The following PTPRK variants were observed in gnomAD, a reference collection of about 807,000 sequenced individuals.
PTPRK encodes the protein receptor-type tyrosine-protein phosphatase kappa.
A neutral mutation model predicts 178.0 loss-of-function variants in PTPRK; 75 were observed. The ratio of observed to expected loss-of-function variants is 0.42; its 90% confidence interval spans 0.35 to 0.51. PTPRK has a LOEUF of 0.51. Among genes scored for constraint, PTPRK ranks in the 20% least tolerant of loss-of-function variants. The pLI, the probability that PTPRK is intolerant of heterozygous loss-of-function variation, is 0.02. For synonymous variants in PTPRK, 637 were observed against 620.6 expected (o/e 1.03, Z -0.39); for missense variants, 1,441 against 1,797.8 (o/e 0.80, Z 3.59).
At chr6:128,353,512 T>A (rs1833478780) in intron 2 of PTPRK, among the ~76,000 whole-genome samples, 1 of 152,210 alleles carries the variant, frequency 6.6e-6, no homozygotes, top group South Asian at 2.1e-4. Flanking sequence ...AGTGGAATAC[T>A]ATTCAGCAGA....
intron 1 of PTPRK, among the ~76,000 whole-genome samples, chr6:128,487,313 AG>A (rs1411712157): frequency 6.6e-6 from 1 of 151,190 alleles, no homozygotes; most frequent in Admixed American, 6.6e-5. Flanking sequence ...GTTGGGCTTC[AG>A]AAAATGACAC....
chr6:128,043,320 T>C (rs1777500319), intron 13 of PTPRK, among the ~76,000 whole-genome samples: 1 of 152,028 alleles, frequency 6.6e-6, no homozygotes, highest in African/African-American at 2.4e-5. Flanking sequence ...GTAGAGGGAA[T>C]TGATTTCTGT....
chr6:128,477,533 G>C (rs1307517948), intron 1 of PTPRK, among the ~76,000 whole-genome samples: 1 of 152,084 alleles, frequency 6.6e-6, no homozygotes, highest in Non-Finnish European at 1.5e-5. Context: ...TGTTTTCATA[G>C]CTGCATTCAA....
intron 10 of PTPRK, among the ~76,000 whole-genome samples, chr6:128,081,142 C>T (rs145509707): frequency 5.1e-4 from 78 of 152,094 alleles, no homozygotes; most frequent in African/African-American, 1.8e-3. Context: ...TATAGCACTG[C>T]TGCTAATTCC....
At chr6:128,348,157 G>T (rs1331769745) in intron 2 of PTPRK, among the ~76,000 whole-genome samples, 4 of 151,858 alleles carry the variant, frequency 2.6e-5, no homozygotes, top group African/African-American at 7.2e-5. Flanking sequence ...ATGAAATGAG[G>T]CTACATTATT....
At chr6:128,101,458 C>T (rs1788763059) in intron 7 of PTPRK, among the ~76,000 whole-genome samples, 1 of 152,104 alleles carries the variant, frequency 6.6e-6, no homozygotes, top group South Asian at 2.1e-4. Flanking sequence ...TCTGTTACCA[C>T]ATCTACTTAA....
chr6:128,336,820 G>C (rs1253740435), intron 2 of PTPRK, among the ~76,000 whole-genome samples: 1 of 152,154 alleles, frequency 6.6e-6, no homozygotes, highest in Non-Finnish European at 1.5e-5. Context: ...TGAACTAGTA[G>C]TGATTGCTTC....
At chr6:128,492,810 C>G (rs1854021031) in intron 1 of PTPRK, among the ~76,000 whole-genome samples, 1 of 152,100 alleles carries the variant, frequency 6.6e-6, no homozygotes, top group African/African-American at 2.4e-5. Context: ...ATATGGAAAC[C>G]CTTGCCTTCC....
intron 1 of PTPRK, among the ~76,000 whole-genome samples, chr6:128,513,706 A>G (rs1316122949): frequency 1.3e-5 from 2 of 152,112 alleles, no homozygotes; most frequent in African/African-American, 4.8e-5. Flanking sequence ...TCACCTGGGG[A>G]TTTCATCAAA....
chr6:128,085,418 T>C (rs1030322188), intron 8 of PTPRK, among the ~76,000 whole-genome samples: 2 of 152,204 alleles, frequency 1.3e-5, no homozygotes, highest in African/African-American at 4.8e-5. Context: ...TATGATTATA[T>C]TGAAGGAAAA....
chr6:128,083,597 G>T, intron 9 of PTPRK, 118 bp downstream of exon 9: 1 of 458,566 alleles, frequency 2.2e-6, no homozygotes, highest in Non-Finnish European at 3.8e-6. Flanking sequence ...AAAGGAGAAT[G>T]ATTTTAATCC....
chr6:128,514,410 AGAG>A lies in PTPRK; in HGVS notation c.100+5846_100+5848del, dbSNP rs1486100585. Among the ~76,000 whole-genome samples the A allele has an allele frequency of 5.4e-5, 8 of 147,748 alleles. No homozygotes were observed. The South Asian group carries it at 1.3e-3, about 24-fold the overall frequency. ...TGTGTGTGTGTGTGTGTATTCACAC[AGAG>A]GACTACATACTTACATCTTTCACAT... On this transcript the variant is annotated intron_variant, in intron 1 of 29. Coordinates refer to ENST00000368226, the MANE Select transcript of PTPRK (RefSeq NM_002844.4).
Position 128,242,573 on chromosome 6 carries a change from C to T in PTPRK, c.525G>A (p.Gly175=). ...CATCAATGGCAATATAACCACTTCT[C>T]CCTCCTGAGACTTCAGCTTCAAATA... The part of the protein sequence containing the change: ...QVIFEAEVSG[G]RSGYIAIDDI... The change falls in exon 4 of 30, where the codon GGG becomes GGA. Residue 175 remains glycine (G), a synonymous_variant. Transcript: ENST00000368226. 6.2e-7 allele frequency: 1 copy of T among 1,612,928 alleles called. No homozygotes were observed. The highest frequency in any genetic ancestry group is 1.7e-5 in the Admixed American group (1 of 59,936).
intron 7 of PTPRK, among the ~76,000 whole-genome samples, chr6:128,111,582 T>C (rs966959196): frequency 1.3e-5 from 2 of 151,826 alleles, no homozygotes; most frequent in Admixed American, 6.6e-5. Flanking sequence ...AATGTAGTTT[T>C]ATGCTTACTT....
In PTPRK at chr6:128,298,589, CA is replaced by C. The variant is rs563715355; in HGVS notation, c.495+23449del. Among the ~76,000 whole-genome samples, 196 of 152,200 alleles carry C rather than the reference CA, an allele frequency of 1.3e-3. 1 individual carries two copies. The highest frequency in any genetic ancestry group is 4.5e-3 in the African/African-American group (188 of 41,518). ...TATACACAAATCAATAAATGTAATC[CA>C]GCATATAAACAGAACAAAAGACAAA... On this transcript the variant is annotated intron_variant, in intron 3 of 29. Coordinates refer to ENST00000368226, the MANE Select transcript of PTPRK (RefSeq NM_002844.4).
intron 1 of PTPRK, among the ~76,000 whole-genome samples, chr6:128,480,581 C>T (rs1370956645): frequency 6.6e-6 from 1 of 152,204 alleles, no homozygotes; most frequent in Non-Finnish European, 1.5e-5. Context: ...CACACACCTT[C>T]AGTTTCTTCT....
At chr6:128,220,788 A>G (rs1433009849) in intron 5 of PTPRK, among the ~76,000 whole-genome samples, 1 of 152,240 alleles carries the variant, frequency 6.6e-6, no homozygotes, top group Non-Finnish European at 1.5e-5. Flanking sequence ...AATTTTATTC[A>G]TTCAGTAAGA....
chr6:128,366,937 A>G (rs1835576908), intron 2 of PTPRK, among the ~76,000 whole-genome samples: 1 of 152,016 alleles, frequency 6.6e-6, no homozygotes, highest in Non-Finnish European at 1.5e-5. Context: ...GATTCAGAGG[A>G]TGACTCCAGC....
At chr6:128,460,585 T>C (rs945494725) in intron 1 of PTPRK, among the ~76,000 whole-genome samples, 1 of 152,054 alleles carries the variant, frequency 6.6e-6, no homozygotes, top group Non-Finnish European at 1.5e-5. Flanking sequence ...CCAAAAGAAG[T>C]AATCATTAAA....
Sources: allele counts gnomAD v4.1 joint callset (sites outside exome capture counted in the v4.1 genomes callset), GRCh38; gene constraint gnomAD v4.1.1; transcripts MANE v1.5; gene names NCBI Gene and HGNC (gene_info 2026-07-23, HGNC 2026-07-21).